The following INTS3 variants were observed in gnomAD, a reference collection of about 807,000 sequenced individuals.
INTS3 encodes the protein SOSS complex subunit A.
Under a neutral mutation model 146.3 loss-of-function variants are expected in INTS3, and 34 were observed. That is an observed-to-expected ratio of 0.23 (90% confidence interval 0.18 to 0.31). The LOEUF (loss-of-function observed/expected upper bound fraction) is 0.31, where lower values mean the gene tolerates loss of function less well. Ranked by LOEUF, INTS3 falls within the 10% of genes least tolerant of loss-of-function variation. The probability of loss-of-function intolerance (pLI) is 1.00; values close to 1 mark genes in which losing one functional copy is unlikely to be tolerated. For missense variants in INTS3, 757 were observed against 1,304.2 expected (o/e 0.58, Z 6.46); for synonymous variants, 475 against 494.9 (o/e 0.96, Z 0.53).
At position 153,757,524 on chromosome 1, in the gene INTS3, AC is replaced by A; in HGVS notation, c.958-44del. 1.3e-6 allele frequency: 2 copies of A among 1,559,582 alleles called. No homozygotes were observed. The highest frequency in any genetic ancestry group is 4.5e-5 in the East Asian group (2 of 44,364). On this transcript the variant is annotated intron_variant, in intron 9 of 29. Transcript: ENST00000318967. The surrounding 1 kb of genome is among the most constrained non-coding windows in gnomAD (Gnocchi z 4.0). ...GGTGCTCGTTTTCCTCTGGCCAAGG[AC>A]CCCACACTGTCTTCTAAGGTCTTTT...
chr1:153,765,364 A>AT (rs1213590106), intron 20 of INTS3, among the ~76,000 whole-genome samples: 1 of 151,722 alleles, frequency 6.6e-6, no homozygotes, highest in Non-Finnish European at 1.5e-5. Context: ...ATTTTTTAAA[A>AT]TTTTTTTGTA....
At chr1:153,755,855 G>A (rs982570344) in intron 9 of INTS3, among the ~76,000 whole-genome samples, 4 of 151,934 alleles carry the variant, frequency 2.6e-5, no homozygotes, top group Non-Finnish European at 5.9e-5. Flanking sequence ...CCTGGCCAAC[G>A]TGGTGAAACC....
In INTS3 at chr1:153,770,132, G is replaced by T. The variant is rs879060450; in HGVS notation, c.2390-66G>T. On this transcript the variant is annotated intron_variant, in intron 23 of 29. Transcript: ENST00000318967. ...GTAGTCAGTGGATGGGGGGGTGGGG[G>T]GGGTGTGTGTGTGTGTGTGTTCGTT... is the stretch of plus-strand genomic sequence containing the variant. 1.7e-4 allele frequency: 85 copies of T among 492,160 alleles called. 1 individual carries two copies. Among genetic ancestry groups the T allele is most frequent in the Middle Eastern group, 1.0e-3 (2 of 1,928 alleles). 30.5% of individuals were successfully genotyped at this position (492,160 alleles called of 1,614,324 possible).
chr1:153,740,699 T>C lies in INTS3; in HGVS notation c.199T>C (p.Ser67Pro). The C allele has an allele frequency of 6.2e-7, 1 of 1,614,112 alleles. No individual in the cohort carries two copies. The highest frequency in any genetic ancestry group is 8.5e-7 in the Non-Finnish European group (1 of 1,179,968). The change falls in exon 2 of 30, where the codon TCG (serine) becomes CCG (proline). Residue 67 changes from serine (S) to proline (P), a missense_variant. This residue lies in a region of INTS3 where 160 missense variants were observed against 193.7 expected (regional missense o/e 0.83). Transcript: ENST00000318967. ...TGTGACATCGATGACTGCTGGTGTC[T>C]CGGAGAGAGAAGCCAATGATGCCCT... Reference protein sequence around the residue: ...SIVTSMTAGVSEREANDALNA... With the variant: ...SIVTSMTAGVPEREANDALNA...
Position 153,764,753 on chromosome 1 carries a change from G to C in INTS3, c.1970+19G>C, listed in dbSNP as rs1175031606. 1 of 1,596,086 alleles carries C rather than the reference G, an allele frequency of 6.3e-7. No individual in the cohort carries two copies. Among genetic ancestry groups the C allele is most frequent in the African/African-American group, 1.3e-5 (1 of 74,470 alleles). On this transcript the variant is annotated intron_variant, in intron 19 of 29. Coordinates refer to ENST00000318967, the MANE Select transcript of INTS3 (RefSeq NM_023015.5). ...TATTTAGGTAAGCACGCAGCTATAGGAGATACTGTTCTACCCTCCATCCTC... is the reference window on the plus strand; with the variant it reads ...TATTTAGGTAAGCACGCAGCTATAGCAGATACTGTTCTACCCTCCATCCTC...
At chr1:153,761,393 C>T (rs758751459) in intron 13 of INTS3, 177 bp from the exon 14 acceptor site, 121 of 583,864 alleles carry the variant, frequency 2.1e-4, no homozygotes, top group Non-Finnish European at 3.2e-4. Flanking sequence ...ACCTGTAATC[C>T]TAGCTACTTG....
intron 9 of INTS3, among the ~76,000 whole-genome samples, chr1:153,755,480 G>C (rs951054339): frequency 5.3e-5 from 8 of 152,030 alleles, no homozygotes; most frequent in Non-Finnish European, 1.2e-4. Context: ...GGCTGGTCTC[G>C]AACTTCCGAC....
rs1161319800 is a variant in INTS3, at chr1:153,742,476, C to CTGTGTG, written c.318+1109_318+1110insGTGTGT. Among the ~76,000 whole-genome samples, 239 of 60,308 alleles carry CTGTGTG rather than the reference C, an allele frequency of 4.0e-3. 2 individuals are homozygous for CTGTGTG. Among genetic ancestry groups the CTGTGTG allele is most frequent in the African/African-American group, 0.018 (225 of 12,754 alleles). The allele number at this position is 60,308 out of a possible 152,430, so 39.6% of individuals were successfully genotyped here. A position where few individuals can be genotyped will look rare whatever the true frequency, so the allele number is the denominator to read the frequency against. ...CTTCCTCTTGTGTGGGTTTTTTAAT[C>CTGTGTG]TCTGTGTGTGTGTGTGTGTGTGTGT... is the stretch of plus-strand genomic sequence containing the variant. On this transcript the variant is annotated intron_variant, in intron 3 of 29. Coordinates refer to ENST00000318967, the MANE Select transcript of INTS3 (RefSeq NM_023015.5).
chr1:153,733,452 C>T (rs1325016148), intron 1 of INTS3, among the ~76,000 whole-genome samples: 1 of 150,058 alleles, frequency 6.7e-6, no homozygotes, highest in Non-Finnish European at 1.5e-5. Flanking sequence ...ACCTCGTGAT[C>T]TTCCTGCCTC....
intron 21 of INTS3, among the ~76,000 whole-genome samples, chr1:153,768,188 TTC>T (rs1273808646): frequency 6.6e-6 from 1 of 152,166 alleles, no homozygotes; most frequent in Non-Finnish European, 1.5e-5. Context: ...CTTGCTTGGA[TTC>T]TCTCTGATAG....
intron 5 of INTS3, 174 bp downstream of exon 5, chr1:153,747,537 A>C (rs763081130): frequency 1.6e-6 from 1 of 623,208 alleles, no homozygotes; most frequent in Non-Finnish European, 2.9e-6. Context: ...TTGATTGAAA[A>C]ATCATGGGGG....
Position 153,773,243 on chromosome 1 carries a change from C to T in INTS3, c.3102C>T (p.Ser1034=), listed in dbSNP as rs925013462. 5.6e-6 allele frequency: 9 copies of T among 1,614,002 alleles called. No individual in the cohort carries two copies. Among genetic ancestry groups the T allele is most frequent in the African/African-American group, 5.3e-5 (4 of 74,898 alleles). Residue 1034 remains serine (S), a synonymous_variant, in exon 30 of 30, where the codon TCC becomes TCT. Coordinates refer to ENST00000318967, the MANE Select transcript of INTS3 (RefSeq NM_023015.5). Reference sequence around the variant, plus strand: ...CTACCAAGCGGAAACGAAAAGGGTCCTCTGCAGTGGGCTCTGACAGTGACT... The same window carrying T: ...CTACCAAGCGGAAACGAAAAGGGTCTTCTGCAGTGGGCTCTGACAGTGACT... ...PKPTKRKRKG[S]SAVGSDSD
intron 23 of INTS3, 136 bp from the exon 24 acceptor site, chr1:153,770,056 GGGGTGT>G: frequency 4.4e-6 from 2 of 452,602 alleles, no homozygotes; most frequent in Admixed American, 6.7e-5. Context: ...TCAGTGGATT[GGGGTGT>G]GTGTGTGTGT....
chr1:153,738,893 CT>C (rs59978263), intron 1 of INTS3, among the ~76,000 whole-genome samples: 19,952 of 134,804 alleles, frequency 0.15, 1,632 homozygotes, highest in African/African-American at 0.31. Flanking sequence ...TATTAAGTGT[CT>C]TTTTTTTTTT....
At chr1:153,771,728 G>C in intron 25 of INTS3, 68 bp from the exon 26 acceptor site, 1 of 1,493,376 alleles carries the variant, frequency 6.7e-7, no homozygotes, top group East Asian at 2.3e-5. Context: ...TGGGAAATAA[G>C]TGGGAGAGAC....
chr1:153,760,020 C>T (rs1331687471), intron 11 of INTS3: 4 of 522,686 alleles, frequency 7.7e-6, no homozygotes, highest in Non-Finnish European at 1.4e-5. Flanking sequence ...ATAGACATAG[C>T]ACTTCCCAGA....
In INTS3 at chr1:153,763,271, A is replaced by G. The variant is rs751548241; in HGVS notation, c.1675A>G (p.Thr559Ala). 7 of 1,614,104 alleles carry G rather than the reference A, an allele frequency of 4.3e-6. 1 individual carries two copies. The South Asian group carries it at 7.7e-5, about 18-fold the overall frequency. Residue 559 changes from threonine to alanine, a missense_variant, in exon 16 of 30, where the codon ACA becomes GCA. By Grantham distance (58) the Thr-to-Ala change is moderately conservative. Around this residue, in one of 8 missense-constraint regions of INTS3, gnomAD observed 89 missense variants for 210.9 expected, o/e 0.42. Coordinates refer to ENST00000318967, the MANE Select transcript of INTS3 (RefSeq NM_023015.5). ...REFRFHPIKE[T>A]VVEEPVDITP... ...GTTTCGCTTCCACCCTATCAAGGAG[A>G]CAGTTGTGGAGGAGCCAGTTGATAT... is the stretch of plus-strand genomic sequence containing the variant.
chr1:153,773,036 A>G lies in INTS3; in HGVS notation c.3006A>G (p.Thr1002=), dbSNP rs1672970533. Reference sequence around the variant, plus strand: ...GCCCTCGAAGTCGAAAGAATGCCACACAGCCCCCCAATGCCGAAGAAGAGT... The same window carrying G: ...GCCCTCGAAGTCGAAAGAATGCCACGCAGCCCCCCAATGCCGAAGAAGAGT... ...LSSPRSRKNA[T]QPPNAEEESG... Residue 1002 remains threonine, a synonymous_variant, in exon 29 of 30, where the codon ACA becomes ACG. Transcript: ENST00000318967. 1 of 1,614,162 alleles carries G rather than the reference A, an allele frequency of 6.2e-7. No homozygotes were observed. Among genetic ancestry groups the G allele is most frequent in the East Asian group, 2.2e-5 (1 of 44,882 alleles).
chr1:153,758,627 G>A (rs1672252140), intron 10 of INTS3, among the ~76,000 whole-genome samples: 1 of 151,986 alleles, frequency 6.6e-6, no homozygotes, highest in Non-Finnish European at 1.5e-5. Flanking sequence ...GGGCAACATG[G>A]CAAGACCCCA....
Sources: gnomAD v4.1 joint callset for allele counts (sites outside exome capture counted in the v4.1 genomes callset) on GRCh38, gnomAD v4.1.1 for gene constraint, gnomAD v4.1.1 regional missense constraint, Gnocchi (gnomAD v3.1) non-coding constraint, MANE v1.5 for transcripts, NCBI Gene and HGNC (gene_info 2026-07-23, HGNC 2026-07-21) for gene names.